The following WDR59 variants were observed in gnomAD, a reference collection of about 807,000 sequenced individuals.
WDR59 encodes the protein WD repeat domain 59, also known as GATOR2 complex protein WDR59.
WDR59 carries 100 observed loss-of-function variants against 131.2 expected under a neutral mutation model. The ratio of observed to expected loss-of-function variants is 0.76; its 90% CI spans 0.65 to 0.90. The LOEUF (loss-of-function observed/expected upper bound fraction) is 0.90. Ranked by LOEUF, WDR59 falls within the 40% of genes least tolerant of loss-of-function variation. WDR59 has a pLI of 0.00. For synonymous variants in WDR59, 601 were observed against 466.2 expected (o/e 1.29, Z -3.72); for missense variants, 1,203 against 1,262.2 (o/e 0.95, Z 0.71).
Position 74,873,961 on chromosome 16 carries a change from T to C in WDR59, c.*248A>G, listed in dbSNP as rs1328622073. On this transcript the variant is annotated 3_prime_UTR_variant, in exon 26 of 26. Coordinates refer to ENST00000262144, the MANE Select transcript of WDR59 (RefSeq NM_030581.4). ...TTCCACCTTGGTAGCTCAGCCGACATAGACAACACACAAAGCGCAGCTCTG... is the reference window on the plus strand; with the variant it reads ...TTCCACCTTGGTAGCTCAGCCGACACAGACAACACACAAAGCGCAGCTCTG... The C allele has an allele frequency of 1.4e-5, 7 of 501,120 alleles. No homozygotes were observed. The highest frequency in any genetic ancestry group is 3.4e-5 in the East Asian group (1 of 29,202). 31.0% of individuals were successfully genotyped at this position (501,120 alleles called of 1,614,324 possible). A position where few individuals can be genotyped will look rare whatever the true frequency, so the allele number is the denominator to read the frequency against.
chr16:74,883,579 T>C (rs1243449629), intron 25 of WDR59, among the ~76,000 whole-genome samples: 1 of 152,216 alleles, frequency 6.6e-6, no homozygotes, highest in Non-Finnish European at 1.5e-5. Flanking sequence ...GAGATCAGTG[T>C]ATGTTTAGTC....
intron 25 of WDR59, among the ~76,000 whole-genome samples, chr16:74,881,113 A>T (rs1468771928): frequency 6.6e-6 from 1 of 152,138 alleles, no homozygotes; most frequent in Non-Finnish European, 1.5e-5. Flanking sequence ...AACAACAAAA[A>T]ATCATCTTAT....
intron 2 of WDR59, among the ~76,000 whole-genome samples, chr16:74,960,005 T>C (rs1387228050): frequency 6.6e-6 from 1 of 150,558 alleles, no homozygotes; most frequent in Admixed American, 6.6e-5. Context: ...ATAGTTGAAA[T>C]TTTTTTTTTA....
chr16:74,961,320 A>C (rs372661232), intron 2 of WDR59, among the ~76,000 whole-genome samples: 33 of 152,210 alleles, frequency 2.2e-4, no homozygotes, highest in African/African-American at 7.2e-4. Flanking sequence ...ACAACAACAA[A>C]AAAAACCCAA....
intron 8 of WDR59, among the ~76,000 whole-genome samples, chr16:74,934,958 G>A (rs561764656): frequency 1.2e-4 from 19 of 152,266 alleles, no homozygotes; most frequent in African/African-American, 4.3e-4. Context: ...GTCGGGCATG[G>A]TGGCTCATGC....
chr16:74,961,317 C>A (rs569706444), intron 2 of WDR59, among the ~76,000 whole-genome samples: 129 of 151,670 alleles, frequency 8.5e-4, no homozygotes, highest in African/African-American at 2.0e-3. Flanking sequence ...ACAACAACAA[C>A]AAAAAAAACC....
At position 74,886,434 on chromosome 16, in the gene WDR59, G is replaced by A. The variant is rs555625825; in HGVS notation, c.2420-38C>T. 4 of 1,605,428 alleles carry A rather than the reference G, an allele frequency of 2.5e-6. No homozygotes were observed. The Admixed American group carries it at 6.7e-5, about 27-fold the overall frequency. On this transcript the variant is annotated intron_variant, in intron 23 of 25. Coordinates refer to ENST00000262144, the MANE Select transcript of WDR59 (RefSeq NM_030581.4). ...AAATGGGAAGGGAAGATGGCAATCA[G>A]AGAAGGCATGGAAAATATCTGAAGA...
intron 9 of WDR59, 55 bp downstream of exon 9, chr16:74,923,871 T>C (rs572768478): frequency 1.8e-4 from 273 of 1,513,302 alleles, no homozygotes; most frequent in Non-Finnish European, 2.3e-4. Flanking sequence ...GGGCTCCTTC[T>C]TTTTGGAACA....
intron 19 of WDR59, among the ~76,000 whole-genome samples, chr16:74,892,972 G>C (rs978958575): frequency 6.6e-6 from 1 of 152,204 alleles, no homozygotes; most frequent in African/African-American, 2.4e-5. Context: ...AACACTTTCT[G>C]TTATGAGTTC....
chr16:74,901,915 G>C (rs1965573507), intron 18 of WDR59, among the ~76,000 whole-genome samples: 2 of 152,080 alleles, frequency 1.3e-5, no homozygotes, highest in South Asian at 4.2e-4. Flanking sequence ...AAACTTCAAG[G>C]AGAGAGAAAT....
rs1406845206 is a variant in WDR59, at chr16:74,874,078, G to C, written c.*131C>G. Reference sequence around the variant, plus strand: ...GCCCACCAAGAGCTGATGCTGCGCAGTCCTTGGGGGATCATCCTCCGGTCT... The same window carrying C: ...GCCCACCAAGAGCTGATGCTGCGCACTCCTTGGGGGATCATCCTCCGGTCT... On this transcript the variant is annotated 3_prime_UTR_variant, in exon 26 of 26. Coordinates refer to ENST00000262144, the MANE Select transcript of WDR59 (RefSeq NM_030581.4). 4.0e-6 allele frequency: 3 copies of C among 749,406 alleles called. No individual in the cohort carries two copies. Among genetic ancestry groups the C allele is most frequent in the Non-Finnish European group, 6.5e-6 (3 of 460,974 alleles). 46.4% of individuals were successfully genotyped at this position (749,406 alleles called of 1,614,324 possible).
chr16:74,937,118 A>G (rs1264126887), intron 8 of WDR59, among the ~76,000 whole-genome samples: 1 of 151,114 alleles, frequency 6.6e-6, no homozygotes, highest in Non-Finnish European at 1.5e-5. Flanking sequence ...GACCACAAGG[A>G]GGAACTACTG....
chr16:74,924,317 AC>A lies in WDR59; in HGVS notation c.652-315del, dbSNP rs2030561499. 2.0e-5 allele frequency among the ~76,000 whole-genome samples: 3 copies of A among 152,326 alleles called. No individual in the cohort carries two copies. In the South Asian group the frequency reaches 6.2e-4, roughly 32 times the overall value. On this transcript the variant is annotated intron_variant, in intron 8 of 25. Coordinates refer to ENST00000262144, the MANE Select transcript of WDR59 (RefSeq NM_030581.4). ...AGAGTGACGTGTTTGATTTTGTATCACGTTTACATCTTGCAGGTAATTTAAG... is the reference window on the plus strand; with the variant it reads ...AGAGTGACGTGTTTGATTTTGTATCAGTTTACATCTTGCAGGTAATTTAAG...
chr16:74,925,530 C>G (rs190259258), intron 8 of WDR59, among the ~76,000 whole-genome samples: 1 of 111,806 alleles, frequency 8.9e-6, no homozygotes, highest in East Asian at 2.8e-4. Flanking sequence ...GGCAACAGAA[C>G]AAGACTCCAT....
chr16:74,942,790 G>C lies in WDR59; in HGVS notation c.482C>G (p.Ala161Gly). ...ASQVKWNKKN[A>G]NCLATSHDGD... is the part of the protein sequence containing the mutation. ...GTCATGGCTGGTGGCAAGGCAGTTA[G>C]CATTTTTTTTATTCCATTTGACCTG... The change falls in exon 7 of 26, where the codon GCT becomes GGT. Residue 161 changes from alanine to glycine, a missense_variant. Transcript: ENST00000262144. 6.2e-7 allele frequency: 1 copy of C among 1,611,962 alleles called. No homozygotes were observed. Among genetic ancestry groups the C allele is most frequent in the South Asian group, 1.1e-5 (1 of 90,512 alleles).
chr16:74,928,510 C>T (rs1024646890), intron 8 of WDR59, among the ~76,000 whole-genome samples: 1 of 152,000 alleles, frequency 6.6e-6, no homozygotes, highest in African/African-American at 2.4e-5. Context: ...TGAGCCACTG[C>T]GCCCAGCTTT....
At chr16:74,948,874 T>C (rs1263340518) in intron 5 of WDR59, among the ~76,000 whole-genome samples, 1 of 152,114 alleles carries the variant, frequency 6.6e-6, no homozygotes, top group African/African-American at 2.4e-5. Flanking sequence ...GGCAGGCACC[T>C]AAAATCCCAG....
intron 1 of WDR59, among the ~76,000 whole-genome samples, chr16:74,979,685 C>A (rs2034321977): frequency 6.6e-6 from 1 of 150,936 alleles, no homozygotes. Context: ...GGATTACAGG[C>A]ACCCACCACC....
At chr16:74,946,974 C>T (rs1350070766) in intron 6 of WDR59, among the ~76,000 whole-genome samples, 2 of 152,152 alleles carry the variant, frequency 1.3e-5, no homozygotes, top group Admixed American at 1.3e-4. Flanking sequence ...AAAATATTGA[C>T]AATTTAGCTT....
Sources: gnomAD v4.1 joint callset for allele counts (sites outside exome capture counted in the v4.1 genomes callset) on GRCh38, gnomAD v4.1.1 for gene constraint, MANE v1.5 for transcripts, NCBI Gene and HGNC (gene_info 2026-07-23, HGNC 2026-07-21) for gene names.